Variants in ADAMTSL1 observed in about 807,000 individuals in gnomAD.
ADAMTSL1 encodes the protein ADAMTS-like protein 1.
ADAMTSL1 carries 126 observed loss-of-function variants against 201.8 expected under a neutral mutation model. The observed-to-expected ratio is 0.62, with a 90% confidence interval of 0.54 to 0.72. ADAMTSL1 has a LOEUF of 0.72. ADAMTSL1 is among the 30% of genes least tolerant of loss of function. The probability of loss-of-function intolerance (pLI) is 0.00; values close to 1 mark genes in which losing one functional copy is unlikely to be tolerated. For synonymous variants in ADAMTSL1, 1,121 were observed against 903.4 expected, an observed-to-expected ratio of 1.24 and a Z score of -4.32; for missense variants, 2,679 against 2,277.8, an observed-to-expected ratio of 1.18 and a Z score of -3.59.
At chr9:18,231,399 A>G (rs1216963864) in intron 2 of ADAMTSL1, among the ~76,000 whole-genome samples, 1 of 152,196 alleles carries the variant, frequency 6.6e-6, no homozygotes, top group Non-Finnish European at 1.5e-5. Context: ...TCTACGACCT[A>G]GAGTCAGCAC....
intron 17 of ADAMTSL1, among the ~76,000 whole-genome samples, chr9:18,773,881 A>G (rs1037134890): frequency 1.3e-5 from 2 of 152,210 alleles, no homozygotes; most frequent in African/African-American, 2.4e-5. Flanking sequence ...GTCATTTACA[A>G]TAAAATAAGG....
At chr9:18,341,269 C>T (rs892762835) in intron 2 of ADAMTSL1, among the ~76,000 whole-genome samples, 1 of 152,110 alleles carries the variant, frequency 6.6e-6, no homozygotes, top group African/African-American at 2.4e-5. Context: ...CTGGTCCAGT[C>T]TTAATGAAAA....
chr9:18,220,539 A>G (rs1244027635), intron 2 of ADAMTSL1, among the ~76,000 whole-genome samples: 1 of 151,660 alleles, frequency 6.6e-6, no homozygotes, highest in Non-Finnish European at 1.5e-5. Flanking sequence ...TTGGATTTTC[A>G]CTCTTGTTTT....
chr9:18,301,868 T>TTG, intron 2 of ADAMTSL1, among the ~76,000 whole-genome samples: 1 of 152,176 alleles, frequency 6.6e-6, no homozygotes, highest in African/African-American at 2.4e-5. Context: ...TCCTTTGAAA[T>TTG]TGTGTGTGTA....
At chr9:18,734,926 T>C (rs1818418773) in intron 15 of ADAMTSL1, among the ~76,000 whole-genome samples, 1 of 152,184 alleles carries the variant, frequency 6.6e-6, no homozygotes, top group Non-Finnish European at 1.5e-5. Flanking sequence ...AGAGTATCTC[T>C]AGTTACTCTC....
At chr9:18,553,027 A>T (rs1453152493) in intron 3 of ADAMTSL1, among the ~76,000 whole-genome samples, 2 of 151,396 alleles carry the variant, frequency 1.3e-5, no homozygotes, top group Admixed American at 6.6e-5. Context: ...AAATTTATGG[A>T]TATTTAATGT....
intron 2 of ADAMTSL1, among the ~76,000 whole-genome samples, chr9:18,291,780 T>C (rs1201217556): frequency 2.0e-4 from 22 of 107,416 alleles, no homozygotes; most frequent in African/African-American, 7.2e-4. Flanking sequence ...CACACACACA[T>C]CCCTACCTGT....
intron 2 of ADAMTSL1, among the ~76,000 whole-genome samples, chr9:18,361,264 T>G (rs1048511527): frequency 2.0e-5 from 3 of 152,190 alleles, no homozygotes; most frequent in Non-Finnish European, 2.9e-5. Context: ...TATAGAAAAT[T>G]TGGAAAATAA....
intron 2 of ADAMTSL1, among the ~76,000 whole-genome samples, chr9:18,168,263 T>C (rs184227206): frequency 6.6e-6 from 1 of 152,180 alleles, no homozygotes; most frequent in African/African-American, 2.4e-5. Context: ...ATCCTTATGC[T>C]ATCCCTCACC....
At chr9:18,208,438 T>A (rs1490807564) in intron 2 of ADAMTSL1, among the ~76,000 whole-genome samples, 1 of 152,134 alleles carries the variant, frequency 6.6e-6, no homozygotes, top group Non-Finnish European at 1.5e-5. Context: ...AGCCCATGGA[T>A]CATCAGATAC....
At chr9:18,718,403 C>A in intron 14 of ADAMTSL1, 1 of 690,136 alleles carries the variant, frequency 1.4e-6, no homozygotes, top group South Asian at 1.4e-5. Flanking sequence ...CTTCAACTTG[C>A]TTTCTATAAG....
intron 2 of ADAMTSL1, among the ~76,000 whole-genome samples, chr9:18,383,002 C>G (rs1837624611): frequency 6.6e-6 from 1 of 152,126 alleles, no homozygotes; most frequent in African/African-American, 2.4e-5. Context: ...GAAGTAAACC[C>G]TGTGTTCTCT....
At chr9:18,733,703 C>A (rs1818352333) in intron 15 of ADAMTSL1, among the ~76,000 whole-genome samples, 1 of 147,942 alleles carries the variant, frequency 6.8e-6, no homozygotes. Context: ...TTCCCCAGTG[C>A]AAACCTGGGT....
At position 18,790,491 on chromosome 9, in the gene ADAMTSL1, G is replaced by A. The variant is rs575707683; in HGVS notation, c.3678-4906G>A. 5.8e-4 allele frequency among the ~76,000 whole-genome samples: 88 copies of A among 152,250 alleles called. 1 individual carries two copies. The highest frequency in any genetic ancestry group is 1.7e-3 in the African/African-American group (72 of 41,526). ...TCCAGAGACTTTCCTTTATACACCC[G>A]GAGCTGCCTTTGTTTCAAATAAGAG... On this transcript the variant is annotated intron_variant, in intron 19 of 28. Coordinates refer to ENST00000380548, the MANE Select transcript of ADAMTSL1 (RefSeq NM_001040272.6).
rs759888378 is a variant in ADAMTSL1 at position 18,680,379 on chromosome 9, T to C, written c.1204T>C (p.Ser402Pro). Reference protein sequence around the residue: ...CGGGIQSRAVSCVEEDIQGHV... With the variant: ...CGGGIQSRAVPCVEEDIQGHV... ...GGGGGGCATCCAGAGCCGGGCAGTT[T>C]CCTGTGTGGAGGAGGACATCCAGGG... Residue 402 changes from serine to proline, a missense_variant, in exon 11 of 29, where the codon TCC becomes CCC. Transcript: ENST00000380548. 18 of 1,614,042 alleles carry C rather than the reference T, an allele frequency of 1.1e-5. No individual in the cohort carries two copies. In the South Asian group the frequency reaches 1.6e-4, roughly 15 times the overall value.
At chr9:18,770,917 T>C in intron 17 of ADAMTSL1, 136 bp downstream of exon 17, 1 of 954,040 alleles carries the variant, frequency 1.0e-6, no homozygotes, top group Non-Finnish European at 1.5e-6. Flanking sequence ...TGTAACCATA[T>C]ATACCGTAGT....
intron 1 of ADAMTSL1, among the ~76,000 whole-genome samples, chr9:18,036,586 T>G (rs1821210035): frequency 6.6e-6 from 1 of 152,212 alleles, no homozygotes; most frequent in Non-Finnish European, 1.5e-5. Flanking sequence ...ACTCAGATCT[T>G]GCTGAAAACA....
intron 23 of ADAMTSL1, among the ~76,000 whole-genome samples, chr9:18,864,281 GA>G (rs770174872): frequency 5.3e-5 from 8 of 152,186 alleles, no homozygotes; most frequent in Non-Finnish European, 1.0e-4. Context: ...TTTGGCTGGA[GA>G]GGGGGAAGAG....
At chr9:18,474,802 C>T (rs1368978617) in intron 1 of ADAMTSL1, among the ~76,000 whole-genome samples, 3 of 152,142 alleles carry the variant, frequency 2.0e-5, no homozygotes, top group African/African-American at 7.2e-5. Flanking sequence ...CAGATTATGG[C>T]TCTTAATTAC....
Sources: allele counts gnomAD v4.1 joint callset (sites outside exome capture counted in the v4.1 genomes callset), GRCh38; gene constraint gnomAD v4.1.1; transcripts MANE v1.5; gene names NCBI Gene and HGNC (gene_info 2026-07-23, HGNC 2026-07-21).